PUS7L: variants seen among roughly 807,000 people sequenced by gnomAD.
The protein encoded by PUS7L is pseudouridine synthase 7 like.
PUS7L carries 49 observed loss-of-function variants against 51.1 expected under a neutral mutation model. The observed-to-expected ratio is 0.96, with a 90% CI of 0.76 to 1.22. PUS7L has a LOEUF of 1.22. Among genes scored for constraint, PUS7L ranks in the 50% most tolerant of loss-of-function variants. The probability of loss-of-function intolerance (pLI) is 0.00; values close to 1 mark genes in which losing one functional copy is unlikely to be tolerated. For synonymous variants in PUS7L, 277 were observed against 276.2 expected (o/e 1.00, Z -0.03); for missense variants, 828 against 820.6 (o/e 1.01, Z -0.11).
intron 1 of PUS7L, 95 bp from the exon 2 acceptor site, chr12:43,755,356 T>C (rs1938653230): frequency 1.4e-6 from 1 of 700,018 alleles, no homozygotes; most frequent in Non-Finnish European, 2.3e-6. Flanking sequence ...TAATTCTGTC[T>C]CTCTTTTAAT....
At chr12:43,743,423 T>C (rs1243373965) in intron 4 of PUS7L, among the ~76,000 whole-genome samples, 1 of 152,234 alleles carries the variant, frequency 6.6e-6, no homozygotes, top group Non-Finnish European at 1.5e-5. Context: ...CAATTTGTTA[T>C]CAGCATGGTA....
chr12:43,738,596 T>C (rs1053318467), intron 5 of PUS7L, among the ~76,000 whole-genome samples: 22 of 152,160 alleles, frequency 1.4e-4, no homozygotes, highest in African/African-American at 4.8e-4. Flanking sequence ...ATTTTATATA[T>C]AGGTTTAAAA....
At chr12:43,751,745 T>TA (rs1938459351) in intron 2 of PUS7L, among the ~76,000 whole-genome samples, 1 of 152,202 alleles carries the variant, frequency 6.6e-6, no homozygotes. Context: ...ATGGTATTTC[T>TA]AGTTCTAGAT....
chr12:43,747,407 A>C (rs146605165), intron 3 of PUS7L, among the ~76,000 whole-genome samples: 2,807 of 152,278 alleles, frequency 0.018, 57 homozygotes, highest in South Asian at 0.071. Flanking sequence ...TATATAATAA[A>C]TGTTGGCTGG....
At chr12:43,733,316 T>C (rs2137668575) in intron 7 of PUS7L, among the ~76,000 whole-genome samples, 1 of 152,336 alleles carries the variant, frequency 6.6e-6, no homozygotes, top group East Asian at 1.9e-4. Flanking sequence ...CCATATACCA[T>C]TTATTAAGAA....
chr12:43,734,964 G>C (rs535743546), intron 7 of PUS7L, among the ~76,000 whole-genome samples: 2 of 152,300 alleles, frequency 1.3e-5, no homozygotes, highest in South Asian at 2.1e-4. Context: ...ACTATCAAAT[G>C]AATTTCCTTG....
chr12:43,757,673 T>C (rs2137784007), intron 1 of PUS7L, among the ~76,000 whole-genome samples: 1 of 152,282 alleles, frequency 6.6e-6, no homozygotes, highest in Middle Eastern at 3.4e-3. Flanking sequence ...AATACTATTG[T>C]TAAATAAATG....
intron 4 of PUS7L, among the ~76,000 whole-genome samples, chr12:43,745,237 C>A (rs1379315591): frequency 6.6e-6 from 1 of 152,074 alleles, no homozygotes; most frequent in Non-Finnish European, 1.5e-5. Flanking sequence ...ATTTAAATGT[C>A]GGGAAAATGT....
intron 2 of PUS7L, 143 bp from the exon 3 acceptor site, chr12:43,748,752 T>G: frequency 2.8e-6 from 2 of 704,204 alleles, no homozygotes; most frequent in Non-Finnish European, 4.5e-6. Context: ...TGTGATGGAG[T>G]GTCACTCTGT....
intron 5 of PUS7L, among the ~76,000 whole-genome samples, chr12:43,740,205 G>A (rs1937828190): frequency 6.6e-6 from 1 of 152,042 alleles, no homozygotes; most frequent in African/African-American, 2.4e-5. Flanking sequence ...ACTGTCTTTA[G>A]CACTGGGATT....
intron 7 of PUS7L, 138 bp downstream of exon 7, chr12:43,736,243 G>C: frequency 1.4e-6 from 1 of 727,416 alleles, no homozygotes; most frequent in Non-Finnish European, 2.2e-6. Context: ...ACTTGAAGCA[G>C]GAGATGAGTA....
chr12:43,747,678 G>A (rs1338441031), intron 3 of PUS7L, among the ~76,000 whole-genome samples: 1 of 151,732 alleles, frequency 6.6e-6, no homozygotes, highest in East Asian at 1.9e-4. Context: ...GGGCAACAAG[G>A]GCAAAAATCC....
chr12:43,732,800 TG>T (rs1304145528), intron 7 of PUS7L, among the ~76,000 whole-genome samples: 2 of 152,222 alleles, frequency 1.3e-5, no homozygotes, highest in Admixed American at 6.5e-5. Context: ...ATTTAGGGTT[TG>T]TTTTTTTGTT....
chr12:43,747,782 G>C (rs553469803), intron 3 of PUS7L, among the ~76,000 whole-genome samples: 1 of 152,282 alleles, frequency 6.6e-6, no homozygotes, highest in East Asian at 1.9e-4. Flanking sequence ...TGTTATTGCA[G>C]TTATTTACTT....
intron 1 of PUS7L, 73 bp downstream of exon 1, chr12:43,758,657 C>T: frequency 1.5e-6 from 1 of 653,548 alleles, no homozygotes; most frequent in Non-Finnish European, 1.7e-6. Flanking sequence ...CCTCGTCACC[C>T]CCCCCCCCCA....
chr12:43,754,430 C>G lies in PUS7L; in HGVS notation c.816G>C (p.Pro272=). The change falls in exon 2 of 9, where the codon CCG becomes CCC. Residue 272 remains proline, a synonymous_variant. Transcript: ENST00000344862. ...GAAATCTTACTGTTACCACCACATT[C>G]GGATTACCAGCACTGCAATTCATTT... is the stretch of plus-strand genomic sequence containing the variant. ...FSKMNCSAGN[P]NVVVTVRFRE... 1 of 1,613,774 alleles carries G rather than the reference C, an allele frequency of 6.2e-7. No homozygotes were observed. Among genetic ancestry groups the G allele is most frequent in the East Asian group, 2.2e-5 (1 of 44,872 alleles).
intron 1 of PUS7L, among the ~76,000 whole-genome samples, chr12:43,756,039 T>C (rs1289942526): frequency 6.6e-6 from 1 of 152,192 alleles, no homozygotes; most frequent in Non-Finnish European, 1.5e-5. Flanking sequence ...GGCCCCATAC[T>C]AGTGAGTTCT....
intron 2 of PUS7L, among the ~76,000 whole-genome samples, chr12:43,753,019 T>G (rs1299787499): frequency 6.6e-6 from 1 of 152,190 alleles, no homozygotes; most frequent in African/African-American, 2.4e-5. Flanking sequence ...TCTATAATTT[T>G]TTTACTCATT....
chr12:43,748,739 T>C, intron 2 of PUS7L, 130 bp from the exon 3 acceptor site: 3 of 809,092 alleles, frequency 3.7e-6, no homozygotes, highest in Non-Finnish European at 5.6e-6. Flanking sequence ...GTTGTTGTTG[T>C]TTTGTGATGG....
Sources: gnomAD v4.1 joint callset for allele counts (sites outside exome capture counted in the v4.1 genomes callset) on GRCh38, gnomAD v4.1.1 for gene constraint, MANE v1.5 for transcripts, NCBI Gene and HGNC (gene_info 2026-07-23, HGNC 2026-07-21) for gene names.